Variants in MDGA2 observed in about 807,000 individuals in gnomAD.
MDGA2 encodes MAM domain containing glycosylphosphatidylinositol anchor 2.
A neutral mutation model predicts 117.8 loss-of-function variants in MDGA2; 40 were observed. The observed-to-expected ratio is 0.34, with a 90% CI of 0.26 to 0.44. The LOEUF (loss-of-function observed/expected upper bound fraction) is 0.44. Ranked by LOEUF, MDGA2 falls within the 20% of genes least tolerant of loss-of-function variation. The pLI, the probability that MDGA2 is intolerant of heterozygous loss-of-function variation, is 1.00. For synonymous variants in MDGA2, 452 were observed against 439.0 expected, an observed-to-expected ratio of 1.03 and a Z score of -0.37; for missense variants, 1,123 against 1,250.6, an observed-to-expected ratio of 0.90 and a Z score of 1.54.
At chr14:47,619,995 A>C (rs1402092389) in intron 1 of MDGA2, among the ~76,000 whole-genome samples, 1 of 152,176 alleles carries the variant, frequency 6.6e-6, no homozygotes, top group Non-Finnish European at 1.5e-5. Flanking sequence ...CTTGGCCACC[A>C]AAGAGGCTCC....
chr14:47,482,042 C>A, intron 1 of MDGA2, among the ~76,000 whole-genome samples: 1 of 151,960 alleles, frequency 6.6e-6, no homozygotes, highest in Non-Finnish European at 1.5e-5. Flanking sequence ...TGTAAATAAT[C>A]AGCAGTCTGA....
At chr14:47,402,115 T>C (rs189108185) in intron 1 of MDGA2, among the ~76,000 whole-genome samples, 97 of 152,336 alleles carry the variant, frequency 6.4e-4, no homozygotes, top group Middle Eastern at 6.8e-3. Flanking sequence ...AAATTAAATT[T>C]TCCTCAATGC....
intron 1 of MDGA2, among the ~76,000 whole-genome samples, chr14:47,346,612 A>T (rs1002230211): frequency 2.0e-5 from 3 of 152,182 alleles, no homozygotes; most frequent in African/African-American, 7.2e-5. Context: ...TAACATGTTT[A>T]TGAGAATACT....
At chr14:47,625,562 T>G in intron 1 of MDGA2, among the ~76,000 whole-genome samples, 1 of 152,172 alleles carries the variant, frequency 6.6e-6, no homozygotes, top group East Asian at 1.9e-4. Context: ...GATTATCAAA[T>G]AAAACTGGCA....
At chr14:47,652,947 G>A (rs1465059285) in intron 1 of MDGA2, among the ~76,000 whole-genome samples, 1 of 152,106 alleles carries the variant, frequency 6.6e-6, no homozygotes, top group Admixed American at 6.6e-5. Context: ...ACACCATGGG[G>A]AAGTAATTGA....
At chr14:47,343,976 G>T (rs534428927) in intron 1 of MDGA2, among the ~76,000 whole-genome samples, 38 of 152,264 alleles carry the variant, frequency 2.5e-4, no homozygotes, top group African/African-American at 8.9e-4. Context: ...TTGGAAAAGA[G>T]TGTATACCTC....
intron 7 of MDGA2, chr14:47,058,579 C>T: frequency 1.0e-6 from 1 of 984,890 alleles, no homozygotes; most frequent in Non-Finnish European, 1.2e-6. Flanking sequence ...CTAGAATACA[C>T]CTATTTTCAT....
chr14:47,529,793 T>C (rs1242923779), intron 1 of MDGA2, among the ~76,000 whole-genome samples: 1 of 152,228 alleles, frequency 6.6e-6, no homozygotes, highest in African/African-American at 2.4e-5. Context: ...GTTATGCATG[T>C]CACAGTTAGA....
intron 3 of MDGA2, among the ~76,000 whole-genome samples, chr14:47,156,116 C>T (rs1230728679): frequency 6.6e-6 from 1 of 151,302 alleles, no homozygotes; most frequent in Admixed American, 6.6e-5. Flanking sequence ...CCATGCTGGG[C>T]CAAGCTGGTC....
intron 1 of MDGA2, among the ~76,000 whole-genome samples, chr14:47,618,915 T>G (rs1463644667): frequency 2.6e-5 from 4 of 151,878 alleles, no homozygotes; most frequent in African/African-American, 9.7e-5. Flanking sequence ...CAAGGCACAC[T>G]GGAGGGAATA....
At chr14:47,092,697 G>C (rs1315127392) in intron 6 of MDGA2, among the ~76,000 whole-genome samples, 4 of 152,214 alleles carry the variant, frequency 2.6e-5, no homozygotes, top group South Asian at 2.1e-4. Flanking sequence ...AACAGAGGTA[G>C]TACACTGAAA....
intron 14 of MDGA2, chr14:46,871,872 G>T: frequency 2.6e-6 from 1 of 378,242 alleles, no homozygotes; most frequent in Non-Finnish European, 5.5e-6. Context: ...TTCTGGCTGG[G>T]CACAATGACT....
At chr14:46,889,805 T>C (rs755061166) in intron 10 of MDGA2, among the ~76,000 whole-genome samples, 2 of 151,996 alleles carry the variant, frequency 1.3e-5, no homozygotes, top group Non-Finnish European at 2.9e-5. Flanking sequence ...ACTTGAGGGC[T>C]CCCCCAAGTG....
chr14:47,133,001 A>G (rs965764845), intron 4 of MDGA2, among the ~76,000 whole-genome samples: 1 of 151,730 alleles, frequency 6.6e-6, no homozygotes, highest in African/African-American at 2.4e-5. Context: ...AAATCTGTCA[A>G]ATGAATCTCT....
Position 47,661,860 on chromosome 14 carries a change from C to T in MDGA2, c.280+12657G>A, listed in dbSNP as rs1450810821. Among the ~76,000 whole-genome samples, 4 of 148,860 alleles carry T rather than the reference C, an allele frequency of 2.7e-5. No homozygotes were observed. The East Asian group carries it at 6.0e-4, about 22-fold the overall frequency. On this transcript the variant is annotated intron_variant, in intron 1 of 16. Transcript: ENST00000399232. Reference sequence around the variant, plus strand: ...AAGGGATTCTCCCGCCTCAGCCTCCCAAGTAGCTGGGATTACAGGCACCCG... The same window carrying T: ...AAGGGATTCTCCCGCCTCAGCCTCCTAAGTAGCTGGGATTACAGGCACCCG...
At chr14:46,902,014 G>A (rs375357539) in intron 10 of MDGA2, among the ~76,000 whole-genome samples, 1 of 152,158 alleles carries the variant, frequency 6.6e-6, no homozygotes, top group Non-Finnish European at 1.5e-5. Context: ...AGTTGTCACC[G>A]ATGAACCCCT....
At chr14:47,540,956 A>G (rs1366145790) in intron 1 of MDGA2, among the ~76,000 whole-genome samples, 1 of 152,084 alleles carries the variant, frequency 6.6e-6, no homozygotes, top group African/African-American at 2.4e-5. Flanking sequence ...TCTTCACTAT[A>G]TTATATTTTA....
intron 1 of MDGA2, among the ~76,000 whole-genome samples, chr14:47,560,428 T>C (rs1895777370): frequency 6.6e-6 from 1 of 152,310 alleles, no homozygotes; most frequent in African/African-American, 2.4e-5. Flanking sequence ...TATCTCATTG[T>C]GGTTTTGATT....
intron 5 of MDGA2, among the ~76,000 whole-genome samples, chr14:47,119,111 C>T (rs1265861633): frequency 1.6e-5 from 2 of 128,104 alleles, no homozygotes; most frequent in Non-Finnish European, 3.2e-5. Context: ...AGTGCAGTGG[C>T]GCAGTTTCGG....
Sources: allele counts gnomAD v4.1 joint callset (sites outside exome capture counted in the v4.1 genomes callset), GRCh38; gene constraint gnomAD v4.1.1; transcripts MANE v1.5; gene names NCBI Gene and HGNC (gene_info 2026-07-23, HGNC 2026-07-21).